HNF1B: variants seen among roughly 807,000 people sequenced by gnomAD.
HNF1B encodes the protein HNF1 homeobox B.
A neutral mutation model predicts 61.7 loss-of-function variants in HNF1B; 8 were observed. That is an observed-to-expected ratio of 0.13 (90% CI 0.08 to 0.23). The LOEUF (loss-of-function observed/expected upper bound fraction) is 0.23, where lower values mean the gene tolerates loss of function less well. Among genes scored for constraint, HNF1B ranks in the 10% least tolerant of loss-of-function variants. The pLI is 1.00. For synonymous variants in HNF1B, 314 were observed against 287.7 expected (o/e 1.09, Z -0.93); for missense variants, 562 against 714.5 (o/e 0.79, Z 2.43).
intron 7 of HNF1B, among the ~76,000 whole-genome samples, chr17:37,700,088 A>G: frequency 6.7e-6 from 1 of 148,914 alleles, no homozygotes; most frequent in East Asian, 1.9e-4. Context: ...GTGGCTAAGT[A>G]ACTTGCATTA....
At chr17:37,725,237 A>C (rs1598833237) in intron 4 of HNF1B, among the ~76,000 whole-genome samples, 1 of 152,270 alleles carries the variant, frequency 6.6e-6, no homozygotes, top group East Asian at 1.9e-4. Context: ...CTCAGAGCTC[A>C]CTGGAGGCGG....
At chr17:37,690,621 T>C (rs1172709782) in intron 8 of HNF1B, among the ~76,000 whole-genome samples, 2 of 152,150 alleles carry the variant, frequency 1.3e-5, no homozygotes, top group Non-Finnish European at 1.5e-5. Context: ...GTAGAACTTA[T>C]TGAGAGACTG....
chr17:37,697,954 C>T (rs1246618473), intron 8 of HNF1B, among the ~76,000 whole-genome samples: 4 of 152,070 alleles, frequency 2.6e-5, no homozygotes, highest in Non-Finnish European at 2.9e-5. Flanking sequence ...GAAATGAAGG[C>T]TCAGGGAGGT....
In HNF1B at chr17:37,742,921, C is replaced by G. The variant is rs567730564; in HGVS notation, c.344+1620G>C. Among the ~76,000 whole-genome samples, 12 of 151,912 alleles carry G rather than the reference C, an allele frequency of 7.9e-5. 1 individual carries two copies. Among genetic ancestry groups the G allele is most frequent in the Admixed American group, 4.6e-4 (7 of 15,276 alleles). On this transcript the variant is annotated intron_variant, in intron 1 of 8. Transcript: ENST00000617811. Reference sequence around the variant, plus strand: ...CGCCCGCGTTTTGATCTCCTTCCCCCCTCTAAGCCGCGTTTACAACTTCAC... The same window carrying G: ...CGCCCGCGTTTTGATCTCCTTCCCCGCTCTAAGCCGCGTTTACAACTTCAC...
chr17:37,710,169 G>T (rs2032882636), intron 5 of HNF1B, among the ~76,000 whole-genome samples: 1 of 149,412 alleles, frequency 6.7e-6, no homozygotes, highest in African/African-American at 2.4e-5. Flanking sequence ...GCCTTGGGGG[G>T]AGGGATGAAT....
In HNF1B at chr17:37,744,946, G is replaced by C; in HGVS notation, c.-62C>G. On this transcript the variant is annotated 5_prime_UTR_variant, in exon 1 of 9. Transcript: ENST00000617811. Reference sequence around the variant, plus strand: ...GGTGGGTGCGAGAGAGGAGGGTGGAGGGGAGTTTCACAAGCAAACCCCAAA... The same window carrying C: ...GGTGGGTGCGAGAGAGGAGGGTGGACGGGAGTTTCACAAGCAAACCCCAAA... The C allele has an allele frequency of 7.1e-7, 1 of 1,402,328 alleles. No individual in the cohort carries two copies. Among genetic ancestry groups the C allele is most frequent in the Non-Finnish European group, 9.9e-7 (1 of 1,007,646 alleles). 86.9% of individuals were successfully genotyped at this position (1,402,328 alleles called of 1,614,324 possible).
At chr17:37,743,946 C>T (rs1034673827) in intron 1 of HNF1B, among the ~76,000 whole-genome samples, 2 of 152,242 alleles carry the variant, frequency 1.3e-5, no homozygotes, top group Admixed American at 6.5e-5. Flanking sequence ...CAAATCTAAA[C>T]CCGCGTTGGG....
At position 37,710,746 on chromosome 17, in the gene HNF1B, G is replaced by A; in HGVS notation, c.1046-83C>T. The stretch of plus-strand genomic sequence containing the variant: ...TGACTCGGCACCTCTTGTTTTCAAG[G>A]GTGGGTAATAAGAAAATAAAGTTGC... On this transcript the variant is annotated intron_variant, in intron 4 of 8. Coordinates refer to ENST00000617811, the MANE Select transcript of HNF1B (RefSeq NM_000458.4). 2.9e-6 allele frequency: 4 copies of A among 1,396,356 alleles called. 1 individual carries two copies. Among genetic ancestry groups the A allele is most frequent in the South Asian group, 2.4e-5 (2 of 82,402 alleles). The allele number at this position is 1,396,356 out of a possible 1,614,324, so 86.5% of individuals were successfully genotyped here. A position where few individuals can be genotyped will look rare whatever the true frequency, so the allele number is the denominator to read the frequency against.
At chr17:37,744,513 G>T (rs774791561) in intron 1 of HNF1B, 28 bp downstream of exon 1, 9 of 1,596,938 alleles carry the variant, frequency 5.6e-6, no homozygotes. Flanking sequence ...GGTTCGGGTG[G>T]GTCCCCTCCA....
intron 8 of HNF1B, among the ~76,000 whole-genome samples, chr17:37,690,000 C>T (rs954702285): frequency 9.4e-5 from 6 of 64,170 alleles, no homozygotes; most frequent in South Asian, 1.2e-3. Context: ...TAAACAAATG[C>T]GTGCACACAC....
intron 1 of HNF1B, among the ~76,000 whole-genome samples, chr17:37,742,324 C>A (rs1043437941): frequency 1.2e-4 from 18 of 152,180 alleles, no homozygotes; most frequent in Non-Finnish European, 2.5e-4. Flanking sequence ...GAGCCGGGGA[C>A]CGGGAAGCGC....
intron 8 of HNF1B, 79 bp from the exon 9 acceptor site, chr17:37,687,471 G>C (rs192016621): frequency 3.7e-6 from 4 of 1,082,864 alleles, no homozygotes; most frequent in Non-Finnish European, 5.7e-6. Context: ...TTCTCTAAGG[G>C]AGATGATGCC....
chr17:37,695,384 G>A (rs1307167862), intron 8 of HNF1B, among the ~76,000 whole-genome samples: 1 of 152,258 alleles, frequency 6.6e-6, no homozygotes, highest in Non-Finnish European at 1.5e-5. Flanking sequence ...AAGCCTGGGT[G>A]CCCAGGCAGA....
At chr17:37,714,946 T>C (rs1277206317) in intron 4 of HNF1B, among the ~76,000 whole-genome samples, 3 of 152,118 alleles carry the variant, frequency 2.0e-5, no homozygotes, top group Non-Finnish European at 4.4e-5. Context: ...CACCTGAGAC[T>C]GGCAGAACTG....
At chr17:37,707,410 C>T (rs1022779259) in intron 5 of HNF1B, among the ~76,000 whole-genome samples, 2 of 152,130 alleles carry the variant, frequency 1.3e-5, no homozygotes, top group South Asian at 2.1e-4. Flanking sequence ...CCACTGTGCC[C>T]GGCTACAACC....
At chr17:37,698,489 T>G (rs566055004) in intron 8 of HNF1B, among the ~76,000 whole-genome samples, 1 of 152,240 alleles carries the variant, frequency 6.6e-6, no homozygotes, top group South Asian at 2.1e-4. Flanking sequence ...AGCAGGAAGT[T>G]GATTCTAAAT....
At chr17:37,720,833 G>A (rs538263961) in intron 4 of HNF1B, 130 of 985,262 alleles carry the variant, frequency 1.3e-4, no homozygotes, top group Middle Eastern at 1.0e-3. Flanking sequence ...TCTTCTTCAC[G>A]GTGAGATTGA....
chr17:37,708,662 A>G (rs1169653029), intron 5 of HNF1B, among the ~76,000 whole-genome samples: 1 of 152,222 alleles, frequency 6.6e-6, no homozygotes, highest in Non-Finnish European at 1.5e-5. Flanking sequence ...GACACTCTTG[A>G]GAAGTCAGAA....
intron 4 of HNF1B, among the ~76,000 whole-genome samples, chr17:37,714,713 G>T (rs928892825): frequency 6.6e-6 from 1 of 152,164 alleles, no homozygotes; most frequent in African/African-American, 2.4e-5. Context: ...CAGATCATTC[G>T]GTTTCTATCC....
Sources: allele counts gnomAD v4.1 joint callset (sites outside exome capture counted in the v4.1 genomes callset), GRCh38; gene constraint gnomAD v4.1.1; transcripts MANE v1.5; gene names NCBI Gene and HGNC (gene_info 2026-07-23, HGNC 2026-07-21).